Variants in AKAP13 observed in about 807,000 individuals in gnomAD.
AKAP13 encodes A-kinase anchoring protein 13.
Under a neutral mutation model 264.5 loss-of-function variants are expected in AKAP13, and 80 were observed. The observed-to-expected ratio is 0.30, with a 90% CI of 0.25 to 0.36. AKAP13 has a LOEUF of 0.36. Among genes scored for constraint, AKAP13 ranks in the 10% least tolerant of loss-of-function variants. The pLI is 1.00. For missense variants in AKAP13, 3,712 were observed against 3,435.2 expected, an observed-to-expected ratio of 1.08 and a Z score of -2.01; for synonymous variants, 1,380 against 1,250.2, an observed-to-expected ratio of 1.10 and a Z score of -2.19.
At chr15:85,723,837 T>C (rs536065006) in intron 26 of AKAP13, among the ~76,000 whole-genome samples, 2 of 152,368 alleles carry the variant, frequency 1.3e-5, no homozygotes, top group East Asian at 1.9e-4. Flanking sequence ...TTTATTGTTA[T>C]AATTTATGAT....
chr15:85,438,721 G>C (rs1414489416), intron 1 of AKAP13, among the ~76,000 whole-genome samples: 1 of 151,422 alleles, frequency 6.6e-6, no homozygotes, highest in Non-Finnish European at 1.5e-5. Flanking sequence ...ATGGGGAAAG[G>C]ATTCCCTATT....
chr15:85,590,874 C>T (rs1187691311), intron 8 of AKAP13, among the ~76,000 whole-genome samples: 2 of 152,128 alleles, frequency 1.3e-5, no homozygotes, highest in East Asian at 3.8e-4. Flanking sequence ...CAGAGCCTGG[C>T]ACAAAATAAG....
chr15:85,644,041 T>C (rs1294410766), intron 9 of AKAP13, among the ~76,000 whole-genome samples: 1 of 152,122 alleles, frequency 6.6e-6, no homozygotes, highest in Non-Finnish European at 1.5e-5. Flanking sequence ...CACCTTGTAC[T>C]GTCAGTTCCT....
At chr15:85,517,560 T>C (rs552183476) in intron 2 of AKAP13, among the ~76,000 whole-genome samples, 1 of 152,296 alleles carries the variant, frequency 6.6e-6, no homozygotes, top group Admixed American at 6.5e-5. Context: ...TAAAGGAAGT[T>C]ACAGTGCCAT....
chr15:85,740,900 A>ATT, intron 34 of AKAP13, 146 bp from the exon 35 acceptor site: 1 of 1,373,994 alleles, frequency 7.3e-7, no homozygotes, highest in Non-Finnish European at 9.7e-7. Context: ...ATCCTGGAGC[A>ATT]TTTTTATGAG....
chr15:85,457,479 G>A (rs2074322767), intron 1 of AKAP13, among the ~76,000 whole-genome samples: 1 of 152,208 alleles, frequency 6.6e-6, no homozygotes, highest in Admixed American at 6.5e-5. Flanking sequence ...CTGTTCAGCA[G>A]TGTACAGAAT....
At chr15:85,381,031 T>TG (rs2083392188) in intron 1 of AKAP13, among the ~76,000 whole-genome samples, 1 of 149,508 alleles carries the variant, frequency 6.7e-6, no homozygotes, top group African/African-American at 2.5e-5. Context: ...ATTGTCTGCT[T>TG]GGGGCTCGGC....
At position 85,697,235 on chromosome 15, in the gene AKAP13, A is replaced by C. The variant is rs185505444; in HGVS notation, c.5464+3784A>C. On this transcript the variant is annotated intron_variant, in intron 17 of 36. Transcript: ENST00000394518. ...ATGCCACATAAGGAAGTAAACCACC[A>C]TGAGGAAGAATTAGGGGATGTACAA... Among the ~76,000 whole-genome samples the C allele has an allele frequency of 5.9e-5, 9 of 152,308 alleles. 1 individual carries two copies. The East Asian group carries it at 1.7e-3, about 29-fold the overall frequency.
At chr15:85,385,784 T>C (rs1479746806) in intron 1 of AKAP13, among the ~76,000 whole-genome samples, 5 of 152,220 alleles carry the variant, frequency 3.3e-5, no homozygotes, top group Non-Finnish European at 7.3e-5. Flanking sequence ...GATTTGCAGA[T>C]ATTTTCTCCT....
At chr15:85,617,527 A>G (rs376826723) in intron 8 of AKAP13, among the ~76,000 whole-genome samples, 1 of 152,198 alleles carries the variant, frequency 6.6e-6, no homozygotes, top group South Asian at 2.1e-4. Flanking sequence ...GGCGTGAGCC[A>G]CCGCGCCCAG....
At chr15:85,383,633 A>T (rs2070403743) in intron 1 of AKAP13, among the ~76,000 whole-genome samples, 1 of 152,210 alleles carries the variant, frequency 6.6e-6, no homozygotes, top group Admixed American at 6.5e-5. Context: ...ACTGAAGGAT[A>T]ATGGAAACAA....
chr15:85,601,649 T>TGTGTGTGTGTGTG (rs1567149362), intron 8 of AKAP13, among the ~76,000 whole-genome samples: 22 of 150,998 alleles, frequency 1.5e-4, no homozygotes, highest in South Asian at 4.2e-4. Context: ...TGTGTGTGTG[T>TGTGTGTGTGTGTG]TTTTCTTCCA....
rs999473289 is a variant in AKAP13 at position 85,566,556 on chromosome 15, T to C, written c.663-8575T>C. On this transcript the variant is annotated intron_variant, in intron 5 of 36. Coordinates refer to ENST00000394518, the MANE Select transcript of AKAP13 (RefSeq NM_007200.5). ...TGTTTCATTGAATGGTCTTTTAATATTAGTTTATGAGGCTAGACCATTAAA... is the reference window on the plus strand; with the variant it reads ...TGTTTCATTGAATGGTCTTTTAATACTAGTTTATGAGGCTAGACCATTAAA... Among the ~76,000 whole-genome samples, 6 of 152,158 alleles carry C rather than the reference T, an allele frequency of 3.9e-5. No individual in the cohort carries two copies. The South Asian group carries it at 1.0e-3, about 26-fold the overall frequency.
At chr15:85,597,881 C>G (rs79411684) in intron 8 of AKAP13, among the ~76,000 whole-genome samples, 1 of 151,974 alleles carries the variant, frequency 6.6e-6, no homozygotes, top group Non-Finnish European at 1.5e-5. Context: ...GTAATTCCAG[C>G]GTTTTCTGAC....
intron 1 of AKAP13, among the ~76,000 whole-genome samples, chr15:85,469,175 A>G (rs1049452531): frequency 7.4e-5 from 11 of 148,698 alleles, no homozygotes; most frequent in Non-Finnish European, 1.3e-4. Context: ...TTGGCCTCCC[A>G]AAGTGCTGGG....
chr15:85,698,333 G>A (rs2085682657), intron 17 of AKAP13, among the ~76,000 whole-genome samples: 1 of 151,732 alleles, frequency 6.6e-6, no homozygotes, highest in East Asian at 1.9e-4. Flanking sequence ...GGGCATGGTG[G>A]CAGTGCCTGT....
intron 8 of AKAP13, among the ~76,000 whole-genome samples, chr15:85,604,388 C>A (rs560450683): frequency 1.3e-5 from 2 of 151,600 alleles, no homozygotes; most frequent in South Asian, 4.2e-4. Context: ...AGAGGTGATT[C>A]ATCTTTCTGT....
intron 1 of AKAP13, among the ~76,000 whole-genome samples, chr15:85,470,392 T>C (rs1437446678): frequency 6.6e-6 from 1 of 152,234 alleles, no homozygotes; most frequent in Non-Finnish European, 1.5e-5. Context: ...AACGCCAGTT[T>C]ATAAGAGTTG....
At chr15:85,572,293 G>C (rs2078843175) in intron 5 of AKAP13, among the ~76,000 whole-genome samples, 1 of 152,156 alleles carries the variant, frequency 6.6e-6, no homozygotes, top group Non-Finnish European at 1.5e-5. Context: ...ATCTGATTAA[G>C]CAGATATGCC....
Sources: gnomAD v4.1 joint callset for allele counts (sites outside exome capture counted in the v4.1 genomes callset) on GRCh38, gnomAD v4.1.1 for gene constraint, MANE v1.5 for transcripts, NCBI Gene and HGNC (gene_info 2026-07-23, HGNC 2026-07-21) for gene names.